The following CHD7 variants were observed in gnomAD, a reference collection of about 807,000 sequenced individuals.
CHD7 encodes the protein ATP-dependent chromatin remodeler CHD7.
CHD7 carries 24 observed loss-of-function variants against 307.3 expected under a neutral mutation model. The observed-to-expected ratio is 0.08, with a 90% CI of 0.06 to 0.11. The LOEUF (loss-of-function observed/expected upper bound fraction) is 0.11. CHD7 is among the 10% of genes least tolerant of loss of function. CHD7 has a pLI of 1.00. For missense variants in CHD7, 3,106 were observed against 3,727.1 expected, an observed-to-expected ratio of 0.83 and a Z score of 4.34; for synonymous variants, 1,363 against 1,349.9, an observed-to-expected ratio of 1.01 and a Z score of -0.21.
intron 1 of CHD7, among the ~76,000 whole-genome samples, chr8:60,729,172 GT>G (rs1345719876): frequency 2.6e-5 from 4 of 152,328 alleles, no homozygotes; most frequent in South Asian, 2.1e-4. Flanking sequence ...TTATTTCACT[GT>G]CTTAGGATGG....
intron 1 of CHD7, among the ~76,000 whole-genome samples, chr8:60,690,393 A>G (rs558088798): frequency 1.2e-4 from 18 of 152,192 alleles, no homozygotes; most frequent in African/African-American, 4.1e-4. Flanking sequence ...ATATTTTAAT[A>G]TTTGTCTTGA....
At chr8:60,794,923 A>G in intron 3 of CHD7, 63 bp from the exon 4 acceptor site, 1 of 1,438,214 alleles carries the variant, frequency 7.0e-7, no homozygotes, top group Non-Finnish European at 9.5e-7. Flanking sequence ...TAATGTGGGA[A>G]ATATAAGAGA....
At chr8:60,714,298 C>T (rs1346764452) in intron 1 of CHD7, among the ~76,000 whole-genome samples, 1 of 151,610 alleles carries the variant, frequency 6.6e-6, no homozygotes, top group Non-Finnish European at 1.5e-5. Context: ...ACTCGGGGCG[C>T]TCGCTTCACC....
chr8:60,850,721 T>C, intron 26 of CHD7, 99 bp downstream of exon 26: 4 of 1,248,542 alleles, frequency 3.2e-6, no homozygotes, highest in Non-Finnish European at 3.4e-6. Context: ...GTATTGTGTC[T>C]GATTTGAAGT....
At chr8:60,692,898 C>G (rs1370823790) in intron 1 of CHD7, among the ~76,000 whole-genome samples, 1 of 152,206 alleles carries the variant, frequency 6.6e-6, no homozygotes, top group Non-Finnish European at 1.5e-5. Context: ...GCTACTAACT[C>G]CTACGTCTGT....
Position 60,850,588 on chromosome 8 carries a change from A to G in CHD7, c.5500A>G (p.Arg1834Gly), listed in dbSNP as rs751973003. 2.5e-6 allele frequency: 4 copies of G among 1,613,182 alleles called. No individual in the cohort carries two copies. The highest frequency in any genetic ancestry group is 3.4e-6 in the Non-Finnish European group (4 of 1,179,502). ...PDAKAIAAEQ[R>G]GTDMLADGGD... ...TGCCAAGGCCATAGCTGCCGAGCAAAGAGGAACAGACATGCTAGCAGATGG... is the reference window on the plus strand; with the variant it reads ...TGCCAAGGCCATAGCTGCCGAGCAAGGAGGAACAGACATGCTAGCAGATGG... Residue 1834 changes from arginine (R) to glycine (G), a missense_variant, in exon 26 of 38, where the codon AGA becomes GGA. Around this residue, in one of 10 missense-constraint regions of CHD7, gnomAD observed 1,030 missense variants for 1,165.4 expected, o/e 0.88. Transcript: ENST00000423902.
intron 34 of CHD7, 71 bp downstream of exon 34, chr8:60,856,959 G>T: frequency 7.3e-7 from 1 of 1,364,996 alleles, no homozygotes; most frequent in African/African-American, 1.5e-5. Context: ...TGCTCACGAT[G>T]CTGGGCTGTG....
intron 2 of CHD7, among the ~76,000 whole-genome samples, chr8:60,757,093 A>G (rs1281066872): frequency 6.6e-6 from 1 of 152,078 alleles, no homozygotes; most frequent in African/African-American, 2.4e-5. Flanking sequence ...TTCTGCTGGG[A>G]TTGGGGCCTT....
At chr8:60,796,206 G>C (rs1337305001) in intron 4 of CHD7, among the ~76,000 whole-genome samples, 1 of 152,186 alleles carries the variant, frequency 6.6e-6, no homozygotes, top group Non-Finnish European at 1.5e-5. Context: ...GTTTGGTTGT[G>C]TAACTAACAG....
chr8:60,829,498 C>A (rs143039313), intron 14 of CHD7, among the ~76,000 whole-genome samples: 2 of 151,926 alleles, frequency 1.3e-5, no homozygotes, highest in African/African-American at 4.8e-5. Flanking sequence ...CTACTCTGGA[C>A]GCTGAGGCAG....
At chr8:60,850,362 A>G in intron 25 of CHD7, 131 bp from the exon 26 acceptor site, 1 of 1,122,436 alleles carries the variant, frequency 8.9e-7, no homozygotes, top group Non-Finnish European at 1.2e-6. Flanking sequence ...AACAAGGTCC[A>G]CTTGGATTCA....
In CHD7 at chr8:60,740,746, A is replaced by G. The variant is rs1031079509; in HGVS notation, c.-174-513A>G. Among the ~76,000 whole-genome samples the G allele has an allele frequency of 2.6e-5, 4 of 152,228 alleles. No homozygotes were observed. The East Asian group carries it at 5.8e-4, about 22-fold the overall frequency. ...TGAAATGACCGATTTTGGTATTTGT[A>G]TAATCCTCTAGTCAATTTAACTAAC... is the stretch of plus-strand genomic sequence containing the variant. On this transcript the variant is annotated intron_variant, in intron 1 of 37. Coordinates refer to ENST00000423902, the MANE Select transcript of CHD7 (RefSeq NM_017780.4).
At chr8:60,699,971 C>T (rs1234241320) in intron 1 of CHD7, among the ~76,000 whole-genome samples, 3 of 151,946 alleles carry the variant, frequency 2.0e-5, no homozygotes, top group Non-Finnish European at 4.4e-5. Flanking sequence ...GCTGGGATTA[C>T]AGGCATGCAC....
chr8:60,843,297 C>A (rs1320882565), intron 21 of CHD7, among the ~76,000 whole-genome samples: 1 of 152,208 alleles, frequency 6.6e-6, no homozygotes, highest in Non-Finnish European at 1.5e-5. Flanking sequence ...CCCCCTGCGT[C>A]CCAAAAGCCC....
intron 4 of CHD7, among the ~76,000 whole-genome samples, chr8:60,798,546 G>A (rs1221152073): frequency 6.6e-6 from 1 of 152,182 alleles, no homozygotes; most frequent in Non-Finnish European, 1.5e-5. Flanking sequence ...TTGGGGAAAA[G>A]TACTGGGATT....
intron 5 of CHD7, among the ~76,000 whole-genome samples, chr8:60,800,774 A>G (rs907054968): frequency 3.3e-5 from 5 of 152,244 alleles, no homozygotes; most frequent in African/African-American, 9.6e-5. Context: ...TTAATGTTCT[A>G]TGCTGAGGAA....
chr8:60,749,357 C>CA (rs954065823), intron 2 of CHD7, among the ~76,000 whole-genome samples: 5 of 86,802 alleles, frequency 5.8e-5, no homozygotes, highest in Admixed American at 2.0e-4. Context: ...GTCAACAGAG[C>CA]AAGACTCTGT....
chr8:60,764,286 G>A (rs1224431210), intron 2 of CHD7, among the ~76,000 whole-genome samples: 1 of 152,104 alleles, frequency 6.6e-6, no homozygotes, highest in Non-Finnish European at 1.5e-5. Context: ...ACCGTGCCTG[G>A]CCTGACAGAA....
At chr8:60,808,373 A>G (rs1324879080) in intron 7 of CHD7, 101 bp downstream of exon 7, 1 of 763,344 alleles carries the variant, frequency 1.3e-6, no homozygotes, top group African/African-American at 1.8e-5. Context: ...CTTTGGTATG[A>G]TTTCTTTAGT....
Sources: gnomAD v4.1 joint callset for allele counts (sites outside exome capture counted in the v4.1 genomes callset) on GRCh38, gnomAD v4.1.1 for gene constraint, gnomAD v4.1.1 regional missense constraint, MANE v1.5 for transcripts, NCBI Gene and HGNC (gene_info 2026-07-23, HGNC 2026-07-21) for gene names.